The following TLCD4 variants were observed in gnomAD, a reference collection of about 807,000 sequenced individuals.
TLCD4 encodes the protein TLC domain containing 4.
A neutral mutation model predicts 24.2 loss-of-function variants in TLCD4; 7 were observed. That is an observed-to-expected ratio of 0.29 (90% CI 0.16 to 0.54). The LOEUF is 0.54. Ranked by LOEUF, TLCD4 falls within the 20% of genes least tolerant of loss-of-function variation. The pLI is 0.95. For missense variants in TLCD4, 259 were observed against 313.9 expected (o/e 0.82, Z 1.32); for synonymous variants, 103 against 106.4 (o/e 0.97, Z 0.20).
At chr1:95,157,828 C>A (rs1677675272) in intron 5 of TLCD4, among the ~76,000 whole-genome samples, 1 of 152,162 alleles carries the variant, frequency 6.6e-6, no homozygotes, top group South Asian at 2.1e-4. Context: ...AGAAGACTTA[C>A]TACATAGGTA....
At chr1:95,160,869 A>T (rs1677773541) in intron 5 of TLCD4, among the ~76,000 whole-genome samples, 1 of 152,214 alleles carries the variant, frequency 6.6e-6, no homozygotes, top group South Asian at 2.1e-4. Context: ...ATCATGGTGG[A>T]TAAGCTTCTT....
upstream of TLCD4, among the ~76,000 whole-genome samples, chr1:95,113,046 T>TC (rs1330129296): frequency 1.3e-5 from 2 of 148,430 alleles, no homozygotes; most frequent in Non-Finnish European, 3.0e-5. Flanking sequence ...TTTCTTTCTT[T>TC]TTTTTTTTTT....
chr1:95,185,031 TTTC>T (rs1306209655), intron 6 of TLCD4, among the ~76,000 whole-genome samples: 1 of 152,118 alleles, frequency 6.6e-6, no homozygotes, highest in East Asian at 1.9e-4. Flanking sequence ...TCTTTTTTTT[TTTC>T]TTTTTTTTTA....
the TLCD4 span, among the ~76,000 whole-genome samples, chr1:95,108,616 C>T: frequency 2.0e-5 from 3 of 152,152 alleles, no homozygotes; most frequent in African/African-American, 7.2e-5. Context: ...GAGCCACCAT[C>T]CCTGGCCTTT....
chr1:95,190,700 G>A (rs1678997607), intron 6 of TLCD4, among the ~76,000 whole-genome samples: 1 of 152,190 alleles, frequency 6.6e-6, no homozygotes, highest in Non-Finnish European at 1.5e-5. Flanking sequence ...GGGATTACAG[G>A]CGTGAGCCAC....
Position 95,150,214 on chromosome 1 carries a change from T to C in TLCD4, c.252T>C (p.Gly84=). ...EATKADPLWG[G]PSLANVNIAI... is the part of the protein sequence containing the mutation. ...AACCTTTTTTTTTTTTCAGGGGTGGTCCATCACTTGCAAACGTGAATATTG... is the reference window on the plus strand; with the variant it reads ...AACCTTTTTTTTTTTTCAGGGGTGGCCCATCACTTGCAAACGTGAATATTG... The change falls in exon 4 of 7, where the codon GGT becomes GGC. Residue 84 remains glycine (G), a synonymous_variant. Transcript: ENST00000370203. The C allele has an allele frequency of 6.2e-7, 1 of 1,608,288 alleles. No homozygotes were observed. Among genetic ancestry groups the C allele is most frequent in the Non-Finnish European group, 8.5e-7 (1 of 1,179,116 alleles).
chr1:95,185,645 C>T (rs772167840), intron 6 of TLCD4, among the ~76,000 whole-genome samples: 3 of 152,198 alleles, frequency 2.0e-5, no homozygotes, highest in Non-Finnish European at 2.9e-5. Flanking sequence ...GATCCACTTT[C>T]ACTTAATAGT....
At chr1:95,115,611 A>G (rs1676414949), upstream of TLCD4, among the ~76,000 whole-genome samples, 1 of 152,186 alleles carries the variant, frequency 6.6e-6, no homozygotes, top group Admixed American at 6.5e-5. Context: ...AATCTCAAAA[A>G]CAATCTTGCA....
chr1:95,100,309 T>C, the TLCD4 span, among the ~76,000 whole-genome samples: 33 of 152,156 alleles, frequency 2.2e-4, no homozygotes, highest in African/African-American at 7.9e-4. Context: ...GTGCGGTGGC[T>C]CACGCCTGTA....
chr1:95,155,219 C>G (rs1677600077), intron 5 of TLCD4, among the ~76,000 whole-genome samples: 1 of 151,980 alleles, frequency 6.6e-6, no homozygotes, highest in Non-Finnish European at 1.5e-5. Context: ...GTAAGAAAAT[C>G]CAGACTTCCA....
At chr1:95,146,707 A>G (rs1243087867) in intron 2 of TLCD4, among the ~76,000 whole-genome samples, 1 of 152,186 alleles carries the variant, frequency 6.6e-6, no homozygotes, top group Non-Finnish European at 1.5e-5. Flanking sequence ...CTTTTAATAC[A>G]GAATAGTGTA....
At chr1:95,143,796 A>G (rs1677275428) in intron 1 of TLCD4, 95 bp from the exon 2 acceptor site, 1 of 1,177,332 alleles carries the variant, frequency 8.5e-7, no homozygotes, top group Non-Finnish European at 1.1e-6. Flanking sequence ...AAATTTTAAA[A>G]ATTACTAAAA....
chr1:95,105,894 T>TAAAAAAAAA, the TLCD4 span, among the ~76,000 whole-genome samples: 1 of 115,362 alleles, frequency 8.7e-6, no homozygotes, highest in Non-Finnish European at 1.7e-5. Flanking sequence ...GACTCCGTCT[T>TAAAAAAAAA]AAAAAAAAAA....
chr1:95,092,737 C>T, the TLCD4 span, among the ~76,000 whole-genome samples: 11 of 152,276 alleles, frequency 7.2e-5, no homozygotes, highest in African/African-American at 2.6e-4. Flanking sequence ...TAACACTCAC[C>T]GCGAAGGTCC....
At chr1:95,095,688 C>G in the TLCD4 span, among the ~76,000 whole-genome samples, 2 of 152,138 alleles carry the variant, frequency 1.3e-5, no homozygotes, top group Admixed American at 1.3e-4. Context: ...TGAGCCACCG[C>G]GCCGGCACCT....
At chr1:95,128,581 G>A (rs1431468143) in intron 1 of TLCD4, among the ~76,000 whole-genome samples, 2 of 152,154 alleles carry the variant, frequency 1.3e-5, no homozygotes, top group Non-Finnish European at 2.9e-5. Context: ...GAATTTTCAG[G>A]GAGGGGTTAA....
intron 5 of TLCD4, among the ~76,000 whole-genome samples, chr1:95,154,818 G>A (rs1405548454): frequency 6.7e-6 from 1 of 149,596 alleles, no homozygotes; most frequent in Admixed American, 6.7e-5. Context: ...ACCCTGAAAC[G>A]GTTTCCATTA....
chr1:95,125,710 A>G (rs772856528), intron 1 of TLCD4: 1 of 152,262 alleles, frequency 6.6e-6, no homozygotes, highest in African/African-American at 2.4e-5. Flanking sequence ...CGGTCAGATC[A>G]TAGGTATAAA....
chr1:95,117,108 C>T (rs1441628366), upstream of TLCD4, among the ~76,000 whole-genome samples: 2 of 152,210 alleles, frequency 1.3e-5, no homozygotes, highest in African/African-American at 4.8e-5. Flanking sequence ...ACACAGTTCC[C>T]CCGCTGGCAA....
Sources: gnomAD v4.1 joint callset for allele counts (sites outside exome capture counted in the v4.1 genomes callset) on GRCh38, gnomAD v4.1.1 for gene constraint, MANE v1.5 for transcripts, NCBI Gene and HGNC (gene_info 2026-07-23, HGNC 2026-07-21) for gene names.